PIK3AP1: variants seen among roughly 807,000 people sequenced by gnomAD.
PIK3AP1 encodes the protein phosphoinositide 3-kinase adapter protein 1.
In PIK3AP1, 21 loss-of-function variants were observed where a neutral mutation model predicts 88.1. That is an observed-to-expected ratio of 0.24 (90% confidence interval 0.17 to 0.34). PIK3AP1 has a LOEUF of 0.34. Among genes scored for constraint, PIK3AP1 ranks in the 10% least tolerant of loss-of-function variants. The pLI, the probability that PIK3AP1 is intolerant of heterozygous loss-of-function variation, is 1.00. For missense variants in PIK3AP1, 828 were observed against 1,035.7 expected (o/e 0.80, Z 2.75); for synonymous variants, 398 against 400.0 (o/e 1.00, Z 0.06).
intron 2 of PIK3AP1, among the ~76,000 whole-genome samples, chr10:96,682,347 G>A (rs1055494772): frequency 6.6e-6 from 1 of 152,016 alleles, no homozygotes; most frequent in Non-Finnish European, 1.5e-5. Context: ...TGACTGCAGG[G>A]TCATCAAGAT....
At chr10:96,595,906 A>G (rs1050338804) in intron 16 of PIK3AP1, among the ~76,000 whole-genome samples, 10 of 152,154 alleles carry the variant, frequency 6.6e-5, no homozygotes, top group Non-Finnish European at 1.2e-4. Context: ...GATAGGACTC[A>G]AGCCACAAAG....
chr10:96,637,652 T>C (rs941011460), intron 8 of PIK3AP1, among the ~76,000 whole-genome samples: 3 of 152,124 alleles, frequency 2.0e-5, no homozygotes, highest in Non-Finnish European at 4.4e-5. Context: ...GCGTGGCCTA[T>C]GATGGTCAAT....
At chr10:96,622,311 G>C (rs1843094940) in intron 11 of PIK3AP1, among the ~76,000 whole-genome samples, 1 of 152,168 alleles carries the variant, frequency 6.6e-6, no homozygotes, top group Non-Finnish European at 1.5e-5. Flanking sequence ...CTCTCTACAG[G>C]CTGTGACTTC....
At chr10:96,612,946 G>GTATATATATATATATA (rs1849139349) in intron 13 of PIK3AP1, among the ~76,000 whole-genome samples, 1 of 42,204 alleles carries the variant, frequency 2.4e-5, no homozygotes, top group African/African-American at 9.4e-5. Flanking sequence ...AATTGTGTGT[G>GTATATATATATATATA]TGTGTATATA....
intron 13 of PIK3AP1, among the ~76,000 whole-genome samples, chr10:96,612,040 A>G (rs1402483440): frequency 6.6e-6 from 1 of 152,298 alleles, no homozygotes; most frequent in East Asian, 1.9e-4. Context: ...CCTCCTTTAA[A>G]CTTCATGACT....
chr10:96,633,980 G>T (rs544095401), intron 8 of PIK3AP1, among the ~76,000 whole-genome samples: 29 of 152,296 alleles, frequency 1.9e-4, no homozygotes, highest in Admixed American at 5.9e-4. Flanking sequence ...GAGCCAGCAG[G>T]CTTCTTCCCT....
At chr10:96,597,223 A>G (rs746502234) in intron 16 of PIK3AP1, among the ~76,000 whole-genome samples, 4 of 151,804 alleles carry the variant, frequency 2.6e-5, no homozygotes, top group Non-Finnish European at 5.9e-5. Flanking sequence ...TACCTGAGCA[A>G]ATTTAGCCTG....
At chr10:96,713,230 G>C (rs1049106959) in intron 1 of PIK3AP1, among the ~76,000 whole-genome samples, 4 of 152,026 alleles carry the variant, frequency 2.6e-5, no homozygotes, top group African/African-American at 9.6e-5. Context: ...AGGCGCGGTG[G>C]GTCACACCTG....
At chr10:96,598,662 T>C (rs1302079334) in intron 16 of PIK3AP1, among the ~76,000 whole-genome samples, 1 of 152,116 alleles carries the variant, frequency 6.6e-6, no homozygotes, top group Non-Finnish European at 1.5e-5. Context: ...GAGTATAGAA[T>C]ATAATAGAAG....
intron 2 of PIK3AP1, among the ~76,000 whole-genome samples, chr10:96,671,835 G>C (rs891282388): frequency 1.3e-5 from 2 of 152,188 alleles, no homozygotes; most frequent in South Asian, 4.1e-4. Flanking sequence ...GAGGCCAGGA[G>C]TTCGAGACCA....
chr10:96,631,826 T>C (rs909425655), intron 8 of PIK3AP1, among the ~76,000 whole-genome samples: 2 of 151,858 alleles, frequency 1.3e-5, no homozygotes, highest in African/African-American at 4.8e-5. Flanking sequence ...GAGGCTGCAG[T>C]GAGCTGGGAT....
At chr10:96,695,945 C>T (rs1844213258) in intron 2 of PIK3AP1, among the ~76,000 whole-genome samples, 1 of 152,152 alleles carries the variant, frequency 6.6e-6, no homozygotes, top group Non-Finnish European at 1.5e-5. Context: ...CCTGTTTGAA[C>T]TTGAAGAGTA....
intron 13 of PIK3AP1, among the ~76,000 whole-genome samples, chr10:96,610,992 T>A (rs893426155): frequency 6.6e-6 from 1 of 152,132 alleles, no homozygotes; most frequent in Non-Finnish European, 1.5e-5. Flanking sequence ...CTCCTCCACC[T>A]CTACCCTTCT....
intron 11 of PIK3AP1, 70 bp downstream of exon 11, chr10:96,623,402 C>T: frequency 1.4e-6 from 2 of 1,395,508 alleles, no homozygotes; most frequent in South Asian, 1.2e-5. Flanking sequence ...GCTATTGTTA[C>T]ACTTGGAAAT....
chr10:96,715,869 A>T (rs1844495470), intron 1 of PIK3AP1, among the ~76,000 whole-genome samples: 1 of 151,504 alleles, frequency 6.6e-6, no homozygotes, highest in Non-Finnish European at 1.5e-5. Flanking sequence ...CAGCCTGGGC[A>T]ACAGAGCGAG....
rs1197639165 is a variant in PIK3AP1 at position 96,628,468 on chromosome 10, T to C, written c.1401A>G (p.Thr467=). Residue 467 remains threonine, a synonymous_variant, in exon 9 of 17, where the codon ACA becomes ACG. Transcript: ENST00000339364. ...DLYVEMLQAS[T]SNPIPGDGFS... ...AACCATCTCCAGGGATTGGGTTAGA[T>C]GTACTGGCCTGAAGCATTTCAACAT... is the stretch of plus-strand genomic sequence containing the variant. The C allele has an allele frequency of 3.7e-6, 6 of 1,613,082 alleles. No individual in the cohort carries two copies. The highest frequency in any genetic ancestry group is 3.3e-5 in the Admixed American group (2 of 60,000).
chr10:96,646,432 A>G (rs1843461137), intron 7 of PIK3AP1, among the ~76,000 whole-genome samples: 1 of 152,094 alleles, frequency 6.6e-6, no homozygotes, highest in Non-Finnish European at 1.5e-5. Context: ...TATCTTACTC[A>G]AGGGCTTGCA....
intron 5 of PIK3AP1, 37 bp downstream of exon 5, chr10:96,651,472 T>C (rs759673913): frequency 6.8e-6 from 11 of 1,614,054 alleles, no homozygotes; most frequent in Non-Finnish European, 5.1e-6. Flanking sequence ...AGAAATTACA[T>C]GCCCAGAAAT....
At chr10:96,629,932 AGAAG>A (rs1245217859) in intron 8 of PIK3AP1, among the ~76,000 whole-genome samples, 35 of 100,808 alleles carry the variant, frequency 3.5e-4, no homozygotes, top group East Asian at 2.0e-3. Context: ...AAAAAAAAAA[AGAAG>A]AAGAAGAAGA....
Sources: allele counts gnomAD v4.1 joint callset (sites outside exome capture counted in the v4.1 genomes callset), GRCh38; gene constraint gnomAD v4.1.1; transcripts MANE v1.5; gene names NCBI Gene and HGNC (gene_info 2026-07-23, HGNC 2026-07-21).